TMEM71: variants seen among roughly 807,000 people sequenced by gnomAD.
The protein encoded by TMEM71 is transmembrane protein 71.
A neutral mutation model predicts 38.0 loss-of-function variants in TMEM71; 44 were observed. The ratio of observed to expected loss-of-function variants is 1.16; its 90% CI spans 0.91 to 1.49. TMEM71 has a LOEUF of 1.49. Among genes scored for constraint, TMEM71 ranks in the 40% most tolerant of loss-of-function variants. The probability of loss-of-function intolerance (pLI) is 0.00; values close to 1 mark genes in which losing one functional copy is unlikely to be tolerated. For synonymous variants in TMEM71, 133 were observed against 122.5 expected (o/e 1.09, Z -0.56); for missense variants, 367 against 348.6 (o/e 1.05, Z -0.42).
chr8:132,757,295 C>T lies in TMEM71; in HGVS notation c.41-1G>A. 6.3e-7 allele frequency: 1 copy of T among 1,591,586 alleles called. No homozygotes were observed. Among genetic ancestry groups the T allele is most frequent in the South Asian group, 1.1e-5 (1 of 89,846 alleles). Reference sequence around the variant, plus strand: ...TATTCTCTTTCCAACCTGGAAGAACCTGCATAAACAAATGAGAGAGAAGTA... The same window carrying T: ...TATTCTCTTTCCAACCTGGAAGAACTTGCATAAACAAATGAGAGAGAAGTA... On this transcript the variant is annotated splice_acceptor_variant, in intron 2 of 9. Transcript: ENST00000677595. LOFTEE classifies it high-confidence loss of function.
the TMEM71 span, chr8:132,775,548 GGGCGGA>G: frequency 2.7e-6 from 1 of 368,066 alleles, no homozygotes; most frequent in Non-Finnish European, 4.8e-6. Flanking sequence ...GCCGCTGCCT[GGGCGGA>G]GGCAGAGGCA....
chr8:132,709,145 A>AAG (rs1340324703), downstream of TMEM71, among the ~76,000 whole-genome samples: 1 of 152,228 alleles, frequency 6.6e-6, no homozygotes, highest in Admixed American at 6.5e-5. Context: ...CTGTAGAAAA[A>AAG]TGTGTGTTAC....
intron 5 of TMEM71, among the ~76,000 whole-genome samples, chr8:132,746,269 T>G (rs1312779227): frequency 6.7e-6 from 1 of 150,156 alleles, no homozygotes; most frequent in Non-Finnish European, 1.5e-5. Context: ...GTATTAATAT[T>G]AATGTTATTA....
chr8:132,722,013 G>T, intron 7 of TMEM71, 27 bp downstream of exon 7: 1 of 1,575,050 alleles, frequency 6.3e-7, no homozygotes, highest in Non-Finnish European at 8.7e-7. Flanking sequence ...ATGAAATACC[G>T]CTGCATGAAA....
intron 7 of TMEM71, among the ~76,000 whole-genome samples, chr8:132,714,899 A>C (rs1391525434): frequency 6.6e-6 from 1 of 152,128 alleles, no homozygotes; most frequent in Non-Finnish European, 1.5e-5. Flanking sequence ...AAAAATGAGC[A>C]AAAGATCTGA....
At position 132,747,099 on chromosome 8, in the gene TMEM71, T is replaced by C. The variant is rs765157332; in HGVS notation, c.330A>G (p.Lys110=). 5 of 1,604,964 alleles carry C rather than the reference T, an allele frequency of 3.1e-6. No individual in the cohort carries two copies. In the South Asian group the frequency reaches 4.5e-5, roughly 14 times the overall value. The change falls in exon 5 of 10, where the codon AAA becomes AAG. Residue 110 remains lysine (K), a synonymous_variant. Transcript: ENST00000677595. The part of the protein sequence containing the change: ...KENLVRIFRK[K]KRICHSFSSL... ...AAGAAAAGGAATGGCAGATTCTCTT[T>C]TTCTTTCTAAATATCCTAGAGAGAA...
chr8:132,761,783 G>A (rs1829301645), upstream of TMEM71, among the ~76,000 whole-genome samples: 1 of 152,180 alleles, frequency 6.6e-6, no homozygotes, highest in Admixed American at 6.5e-5. Flanking sequence ...TTTCTTGCTT[G>A]CCTGCTTTGA....
chr8:132,739,059 TA>T (rs200471115), intron 5 of TMEM71, among the ~76,000 whole-genome samples: 43 of 151,570 alleles, frequency 2.8e-4, no homozygotes, highest in African/African-American at 8.5e-4. Context: ...TACTGAAAAT[TA>T]AAAAAAAATG....
rs951600062 is a variant in TMEM71, at chr8:132,758,947, T to A, written c.-36-32A>T. 30 of 1,413,616 alleles carry A rather than the reference T, an allele frequency of 2.1e-5. No homozygotes were observed. In the African/African-American group the frequency reaches 4.1e-4, roughly 19 times the overall value. The allele number at this position is 1,413,616 out of a possible 1,614,324, so 87.6% of individuals were successfully genotyped here. On this transcript the variant is annotated intron_variant, in intron 1 of 9. Coordinates refer to ENST00000677595, the MANE Select transcript of TMEM71 (RefSeq NM_001382403.1). ...AAGATGTTAAAAAAAAGGTGGACTA[T>A]ATATTAAAAATAGAAAAATTATGCC...
upstream of TMEM71, among the ~76,000 whole-genome samples, chr8:132,764,771 A>G (rs951619354): frequency 6.6e-6 from 1 of 152,234 alleles, no homozygotes; most frequent in African/African-American, 2.4e-5. Context: ...AGGATGCATC[A>G]CAATTGGAAC....
chr8:132,721,661 C>T (rs568493848), intron 7 of TMEM71, among the ~76,000 whole-genome samples: 1 of 151,894 alleles, frequency 6.6e-6, no homozygotes, highest in African/African-American at 2.4e-5. Flanking sequence ...ATTCTCCTGC[C>T]TCAGCCTCCT....
chr8:132,711,194 C>T (rs1474866348), intron 9 of TMEM71, among the ~76,000 whole-genome samples: 1 of 152,152 alleles, frequency 6.6e-6, no homozygotes. Context: ...TTAGTGCTCT[C>T]CTTTTTGTCT....
At chr8:132,721,367 G>A (rs931638881) in intron 7 of TMEM71, among the ~76,000 whole-genome samples, 7 of 152,168 alleles carry the variant, frequency 4.6e-5, no homozygotes, top group Non-Finnish European at 1.5e-5. Flanking sequence ...AGTCTCTGCA[G>A]GGACCCTAAA....
intron 5 of TMEM71, among the ~76,000 whole-genome samples, chr8:132,729,200 T>C (rs902612437): frequency 6.6e-6 from 1 of 152,230 alleles, no homozygotes; most frequent in Non-Finnish European, 1.5e-5. Flanking sequence ...TCCTTGATTC[T>C]TAGTTTGAGT....
intron 5 of TMEM71, among the ~76,000 whole-genome samples, chr8:132,734,943 A>G (rs1827664390): frequency 6.6e-6 from 1 of 152,206 alleles, no homozygotes; most frequent in African/African-American, 2.4e-5. Flanking sequence ...ATTTGCTATA[A>G]AGAGAAGCCC....
chr8:132,720,297 C>T (rs1034271832), intron 7 of TMEM71, among the ~76,000 whole-genome samples: 2 of 152,160 alleles, frequency 1.3e-5, no homozygotes, highest in Admixed American at 1.3e-4. Flanking sequence ...TAAGCTCCGC[C>T]TCTTAAGGGA....
the TMEM71 span, among the ~76,000 whole-genome samples, chr8:132,774,579 T>C: frequency 6.6e-6 from 1 of 152,254 alleles, no homozygotes; most frequent in African/African-American, 2.4e-5. Flanking sequence ...GTATGCAACG[T>C]TGCACTTGAA....
intron 3 of TMEM71, among the ~76,000 whole-genome samples, chr8:132,753,170 G>C (rs936953543): frequency 6.6e-6 from 1 of 151,934 alleles, no homozygotes; most frequent in Non-Finnish European, 1.5e-5. Context: ...CATTACTGGA[G>C]GGCAGATACT....
chr8:132,715,960 C>T (rs575710407), intron 7 of TMEM71, among the ~76,000 whole-genome samples: 1 of 152,324 alleles, frequency 6.6e-6, no homozygotes, highest in Non-Finnish European at 1.5e-5. Context: ...CAGCAGCAGC[C>T]CATCTGGAGT....
Sources: gnomAD v4.1 joint callset for allele counts (sites outside exome capture counted in the v4.1 genomes callset) on GRCh38, gnomAD v4.1.1 for gene constraint, MANE v1.5 for transcripts, NCBI Gene and HGNC (gene_info 2026-07-23, HGNC 2026-07-21) for gene names.